Variants in GSE1 observed in about 807,000 individuals in gnomAD.
The protein encoded by GSE1 is Gse1 coiled-coil protein.
GSE1 carries 32 observed loss-of-function variants against 112.6 expected under a neutral mutation model. The ratio of observed to expected loss-of-function variants is 0.28; its 90% CI spans 0.21 to 0.38. The LOEUF (loss-of-function observed/expected upper bound fraction) is 0.38. Ranked by LOEUF, GSE1 falls within the 10% of genes least tolerant of loss-of-function variation. The pLI, the probability that GSE1 is intolerant of heterozygous loss-of-function variation, is 1.00. For missense variants in GSE1, 2,348 were observed against 1,699.2 expected (o/e 1.38, Z -6.71); for synonymous variants, 1,115 against 735.6 (o/e 1.52, Z -8.35).
chr16:85,666,572 G>A (rs987872875), intron 13 of GSE1: 5 of 578,644 alleles, frequency 8.6e-6, no homozygotes, highest in South Asian at 6.0e-5. Context: ...AGGCACCAGC[G>A]CTGACGCTGT....
chr16:85,635,024 C>T (rs938527369), intron 2 of GSE1, among the ~76,000 whole-genome samples: 4 of 152,150 alleles, frequency 2.6e-5, no homozygotes, highest in Admixed American at 6.5e-5. Context: ...GGTTAAGATC[C>T]GGGTGCCAGG....
intron 1 of GSE1, among the ~76,000 whole-genome samples, chr16:85,315,120 T>G (rs2151489611): frequency 6.9e-6 from 1 of 144,252 alleles, no homozygotes; most frequent in Non-Finnish European, 1.5e-5. Context: ...CTGGACACAG[T>G]GGGCCTTAAC....
chr16:85,378,052 T>C (rs1286669514), intron 2 of GSE1, among the ~76,000 whole-genome samples: 1 of 152,182 alleles, frequency 6.6e-6, no homozygotes, highest in African/African-American at 2.4e-5. Context: ...TTTCTGGGAA[T>C]GGCAGCCACG....
chr16:85,638,376 G>A (rs967664234), intron 2 of GSE1, among the ~76,000 whole-genome samples: 2 of 152,142 alleles, frequency 1.3e-5, no homozygotes, highest in Admixed American at 6.5e-5. Flanking sequence ...CTTCCCCAGG[G>A]CCAGCCTGAC....
chr16:85,321,785 C>A (rs571717209), intron 1 of GSE1, among the ~76,000 whole-genome samples: 1 of 149,500 alleles, frequency 6.7e-6, no homozygotes, highest in South Asian at 2.1e-4. Flanking sequence ...AGAGTGAGAG[C>A]CTGTCTTAAA....
At position 85,290,489 on chromosome 16, in the gene GSE1, G is replaced by A. The variant is rs151248366; in HGVS notation, c.2284-66974G>A. 6.3e-3 allele frequency among the ~76,000 whole-genome samples: 954 copies of A among 152,158 alleles called. 13 individuals are homozygous for A. Among genetic ancestry groups the A allele is most frequent in the African/African-American group, 0.022 (893 of 41,514 alleles). On this transcript the variant is annotated intron_variant, in intron 1 of 2. Coordinates refer to the GSE1 transcript ENST00000637419. ...GCAAGGAGCATGCCTTAAACCCTCC[G>A]TCACTTGCTTGGCCTTCTGTGTGTT... is the stretch of plus-strand genomic sequence containing the variant.
chr16:85,250,391 C>T (rs995200122), intron 1 of GSE1, among the ~76,000 whole-genome samples: 3 of 152,186 alleles, frequency 2.0e-5, no homozygotes, highest in East Asian at 1.9e-4. Flanking sequence ...GGGGCGTCTG[C>T]GCTTGGCTGG....
chr16:85,662,771 C>G, intron 9 of GSE1: 1 of 544,192 alleles, frequency 1.8e-6, no homozygotes, highest in Non-Finnish European at 3.3e-6. Flanking sequence ...GCCATGGATC[C>G]CAGGGAAGCC....
intron 1 of GSE1, among the ~76,000 whole-genome samples, chr16:85,259,619 C>T (rs1050714510): frequency 6.6e-6 from 1 of 152,194 alleles, no homozygotes; most frequent in Non-Finnish European, 1.5e-5. Flanking sequence ...GGTTTTGTCC[C>T]CTGTGGAAGC....
At chr16:85,445,329 AC>A (rs572527453) in intron 2 of GSE1, among the ~76,000 whole-genome samples, 1 of 151,898 alleles carries the variant, frequency 6.6e-6, no homozygotes, top group South Asian at 2.1e-4. Context: ...GCTCCAGCGA[AC>A]CCCCCCACTC....
rs2045840890 is a variant in GSE1 at position 85,311,355 on chromosome 16, AG to A, written c.2284-46107del. Among the ~76,000 whole-genome samples, 1 of 152,172 alleles carries A rather than the reference AG, an allele frequency of 6.6e-6. No homozygotes were observed. Among genetic ancestry groups the A allele is most frequent in the African/African-American group, 2.4e-5 (1 of 41,450 alleles). ...GCAGAAACGGTGGTGGCAGGACCCA[AG>A]ACTGTGCAGTTCTAAACCAGCTCTG... On this transcript the variant is annotated intron_variant, in intron 1 of 2. Transcript: ENST00000637419. The surrounding 1 kb of genome is among the most constrained non-coding windows in gnomAD (Gnocchi z 4.2).
Position 85,549,358 on chromosome 16 carries a change from G to A in GSE1, c.2465-84556G>A, listed in dbSNP as rs1423926117. 2.0e-5 allele frequency among the ~76,000 whole-genome samples: 3 copies of A among 151,888 alleles called. No homozygotes were observed. In the East Asian group the frequency reaches 5.8e-4, roughly 29 times the overall value. On this transcript the variant is annotated intron_variant, in intron 2 of 2. Transcript: ENST00000637419. ...AACCTGGCTAGCATTTTTATTTTTT[G>A]TAGCGACGGAGTCCCACTGTGTTGC...
chr16:85,297,318 C>T (rs2045396246), intron 1 of GSE1, among the ~76,000 whole-genome samples: 1 of 150,724 alleles, frequency 6.6e-6, no homozygotes, highest in East Asian at 1.9e-4. Context: ...AGTGACTCGC[C>T]GAAGGGTAGG....
chr16:85,665,677 C>G (rs1006389387), intron 12 of GSE1, among the ~76,000 whole-genome samples: 3 of 152,250 alleles, frequency 2.0e-5, no homozygotes, highest in Non-Finnish European at 4.4e-5. Flanking sequence ...CTCACACACT[C>G]TCTTGTCCGG....
chr16:85,583,516 AAC>A, intron 1 of GSE1: 3 of 149,582 alleles, frequency 2.0e-5, no homozygotes, highest in Non-Finnish European at 4.4e-5. Flanking sequence ...CCCCCATTCC[AAC>A]ACACACACAA....
At position 85,629,901 on chromosome 16, in the gene GSE1, C is replaced by T. The variant is rs190505857; in HGVS notation, c.8-4013C>T. On this transcript the variant is annotated intron_variant, in intron 1 of 15. Transcript: ENST00000253458. ...GTTGTGTGACCAACTGTCCGCAGCT[C>T]AGTGGCTTAAACACAAAACCTTTGT... Among the ~76,000 whole-genome samples, 700 of 152,312 alleles carry T rather than the reference C, an allele frequency of 4.6e-3. 9 individuals are homozygous for T. Among genetic ancestry groups the T allele is most frequent in the South Asian group, 3.5e-3 (17 of 4,828 alleles).
chr16:85,263,973 C>T (rs1270793598), intron 1 of GSE1, among the ~76,000 whole-genome samples: 2 of 152,142 alleles, frequency 1.3e-5, no homozygotes, highest in Admixed American at 6.5e-5. Flanking sequence ...TAGTCAACAG[C>T]GGGCCCTCCA....
chr16:85,664,141 A>C (rs905571664), intron 11 of GSE1, among the ~76,000 whole-genome samples: 1 of 152,244 alleles, frequency 6.6e-6, no homozygotes, highest in African/African-American at 2.4e-5. Context: ...CTGGGCTCGA[A>C]TCCATATAGC....
At chr16:85,495,826 G>A (rs180892710) in intron 2 of GSE1, among the ~76,000 whole-genome samples, 323 of 152,246 alleles carry the variant, frequency 2.1e-3, no homozygotes, top group Admixed American at 3.5e-3. Flanking sequence ...ACCCCTGCCA[G>A]GGCAGTTAAG....
Sources: gnomAD v4.1 joint callset for allele counts (sites outside exome capture counted in the v4.1 genomes callset) on GRCh38, gnomAD v4.1.1 for gene constraint, Gnocchi (gnomAD v3.1) non-coding constraint, MANE v1.5 for transcripts, NCBI Gene and HGNC (gene_info 2026-07-23, HGNC 2026-07-21) for gene names.